The following TMEM131 variants were observed in gnomAD, a reference collection of about 807,000 sequenced individuals.
The protein encoded by TMEM131 is 2610524E03Rik.
A neutral mutation model predicts 211.6 loss-of-function variants in TMEM131; 66 were observed. The observed-to-expected ratio is 0.31, with a 90% CI of 0.26 to 0.38. The LOEUF (loss-of-function observed/expected upper bound fraction) is 0.38. TMEM131 is among the 10% of genes least tolerant of loss of function. The pLI is 1.00. For synonymous variants in TMEM131, 844 were observed against 841.3 expected (o/e 1.00, Z -0.06); for missense variants, 2,036 against 2,299.3 (o/e 0.89, Z 2.34).
intron 4 of TMEM131, among the ~76,000 whole-genome samples, chr2:97,878,947 C>T (rs1674807433): frequency 6.6e-6 from 1 of 152,168 alleles, no homozygotes; most frequent in Non-Finnish European, 1.5e-5. Flanking sequence ...ATGGTCATCC[C>T]CTAGAATCTT....
intron 8 of TMEM131, among the ~76,000 whole-genome samples, chr2:97,835,597 C>T (rs1682901404): frequency 6.6e-6 from 1 of 152,200 alleles, no homozygotes; most frequent in Non-Finnish European, 1.5e-5. Context: ...TGAATTTCTT[C>T]TCTGCACAAA....
intron 1 of TMEM131, among the ~76,000 whole-genome samples, chr2:97,988,349 T>C (rs1282596479): frequency 6.6e-6 from 1 of 152,154 alleles, no homozygotes; most frequent in Admixed American, 6.5e-5. Flanking sequence ...CCCAAAACTA[T>C]AAAATGCCTA....
chr2:97,802,295 C>T, intron 24 of TMEM131, 133 bp downstream of exon 24: 2 of 756,020 alleles, frequency 2.6e-6, no homozygotes, highest in Non-Finnish European at 4.1e-6. Flanking sequence ...AAAACCTTCT[C>T]TCAACCTTAT....
At chr2:97,761,004 G>C in intron 36 of TMEM131, 90 bp from the exon 37 acceptor site, 1 of 1,545,790 alleles carries the variant, frequency 6.5e-7, no homozygotes, top group South Asian at 1.2e-5. Flanking sequence ...AGCCCTGAGT[G>C]GGCTTCTCTG....
intron 7 of TMEM131, among the ~76,000 whole-genome samples, chr2:97,837,503 G>C (rs566913065): frequency 6.6e-6 from 1 of 152,078 alleles, no homozygotes; most frequent in Non-Finnish European, 1.5e-5. Flanking sequence ...CATAAATTTT[G>C]TATTTCTTAC....
intron 1 of TMEM131, among the ~76,000 whole-genome samples, chr2:97,953,477 T>A (rs575227287): frequency 6.6e-6 from 1 of 152,160 alleles, no homozygotes; most frequent in South Asian, 2.1e-4. Flanking sequence ...AATCAATCCA[T>A]CAATAAAAAA....
At chr2:97,842,057 C>G (rs578218273) in intron 6 of TMEM131, 120 bp from the exon 7 acceptor site, 1 of 1,012,828 alleles carries the variant, frequency 9.9e-7, no homozygotes, top group Non-Finnish European at 1.3e-6. Flanking sequence ...ATTAACAATC[C>G]CTTTATTTAA....
intron 4 of TMEM131, among the ~76,000 whole-genome samples, chr2:97,883,330 C>T (rs565008031): frequency 1.3e-5 from 2 of 152,156 alleles, no homozygotes; most frequent in African/African-American, 2.4e-5. Context: ...AACTATACTC[C>T]TTTGCTATGC....
chr2:97,873,163 T>C (rs1674560271), intron 4 of TMEM131, among the ~76,000 whole-genome samples: 2 of 152,218 alleles, frequency 1.3e-5, no homozygotes, highest in Admixed American at 6.5e-5. Flanking sequence ...CAGAGCCCAC[T>C]GCAGCTCAGC....
intron 4 of TMEM131, among the ~76,000 whole-genome samples, 198 bp from the exon 5 acceptor site, chr2:97,859,625 C>T (rs1392427243): frequency 2.0e-5 from 3 of 152,156 alleles, no homozygotes; most frequent in East Asian, 3.8e-4. Context: ...AATTATGTCA[C>T]GTACAGTGCC....
intron 32 of TMEM131, among the ~76,000 whole-genome samples, chr2:97,774,745 C>T (rs986316260): frequency 1.3e-5 from 2 of 152,158 alleles, no homozygotes; most frequent in Non-Finnish European, 2.9e-5. Context: ...GCCTTCCGAA[C>T]GCTGATGCAC....
intron 4 of TMEM131, among the ~76,000 whole-genome samples, chr2:97,880,554 G>T (rs2104198344): frequency 6.6e-6 from 1 of 152,294 alleles, no homozygotes; most frequent in South Asian, 2.1e-4. Context: ...TTGACAGGAA[G>T]GGGATGGAGT....
intron 3 of TMEM131, among the ~76,000 whole-genome samples, chr2:97,900,146 T>C (rs1675790823): frequency 6.6e-6 from 1 of 152,138 alleles, no homozygotes; most frequent in Non-Finnish European, 1.5e-5. Context: ...CTCTCTGAAT[T>C]GTGTGGCTGA....
intron 30 of TMEM131, 90 bp downstream of exon 30, chr2:97,793,305 G>A (rs1221076710): frequency 1.5e-6 from 2 of 1,376,530 alleles, no homozygotes; most frequent in Non-Finnish European, 2.0e-6. Flanking sequence ...TTTCTCCTGA[G>A]CAAAGATGAA....
intron 4 of TMEM131, among the ~76,000 whole-genome samples, chr2:97,885,477 C>T (rs1675115756): frequency 2.6e-5 from 4 of 152,040 alleles, no homozygotes; most frequent in South Asian, 2.1e-4. Flanking sequence ...CGTGAGCCAC[C>T]GCGCCCGGCC....
chr2:97,869,314 G>C (rs1022362913), intron 4 of TMEM131, among the ~76,000 whole-genome samples: 2 of 152,216 alleles, frequency 1.3e-5, no homozygotes, highest in African/African-American at 4.8e-5. Context: ...CTGCAGGAGA[G>C]GGCTGTGGGG....
chr2:97,774,055 G>A (rs1437371282), intron 32 of TMEM131, among the ~76,000 whole-genome samples: 3 of 152,142 alleles, frequency 2.0e-5, no homozygotes, highest in Non-Finnish European at 4.4e-5. Flanking sequence ...TGATTATGAA[G>A]ACAGCCTGGA....
chr2:97,760,587 C>T lies in TMEM131; in HGVS notation c.5108+6G>A. ...CTTTCTAGCGGTTAGTGGTGGTCTA[C>T]CGTACCTGTCTGAGCCATCGCTGTC... On this transcript the variant is annotated splice_donor_region_variant and intron_variant, in intron 38 of 40. Transcript: ENST00000186436. 1 of 1,606,808 alleles carries T rather than the reference C, an allele frequency of 6.2e-7. No homozygotes were observed. The highest frequency in any genetic ancestry group is 2.2e-5 in the East Asian group (1 of 44,692).
intron 32 of TMEM131, 123 bp downstream of exon 32, chr2:97,775,720 G>T: frequency 9.1e-7 from 1 of 1,095,572 alleles, no homozygotes; most frequent in Non-Finnish European, 1.3e-6. Context: ...CTCAGTAGGT[G>T]CTCATCCTAG....
Sources: gnomAD v4.1 joint callset for allele counts (sites outside exome capture counted in the v4.1 genomes callset) on GRCh38, gnomAD v4.1.1 for gene constraint, MANE v1.5 for transcripts, NCBI Gene and HGNC (gene_info 2026-07-23, HGNC 2026-07-21) for gene names.